Variants in OLFML2B observed in about 807,000 individuals in gnomAD.
OLFML2B encodes the protein olfactomedin-like protein 2B.
A neutral mutation model predicts 74.9 loss-of-function variants in OLFML2B; 57 were observed. The observed-to-expected ratio is 0.76, with a 90% CI of 0.61 to 0.95. The LOEUF is 0.95. Among genes scored for constraint, OLFML2B ranks in the 40% least tolerant of loss-of-function variants. OLFML2B has a pLI of 0.00. For missense variants in OLFML2B, 986 were observed against 970.6 expected (o/e 1.02, Z -0.21); for synonymous variants, 388 against 405.8 (o/e 0.96, Z 0.53).
In OLFML2B at chr1:162,011,392, C is replaced by T. The variant is rs764603905; in HGVS notation, c.547-4919G>A. On this transcript the variant is annotated intron_variant, in intron 3 of 7. Coordinates refer to ENST00000294794, the MANE Select transcript of OLFML2B (RefSeq NM_015441.3). ...GGGCTCGTAGTTCCCATCAGCTCAC[C>T]GTGCTCAACCTTTGCACCCTCCAGG... Among the ~76,000 whole-genome samples the T allele has an allele frequency of 5.7e-4, 86 of 152,202 alleles. 2 individuals are homozygous for T. Among genetic ancestry groups the T allele is most frequent in the Non-Finnish European group, 1.6e-4 (11 of 68,026 alleles).
rs1475388120 is a variant in OLFML2B at position 162,023,359 on chromosome 1, G to C, written c.72C>G (p.Val24=). 2 of 1,606,880 alleles carry C rather than the reference G, an allele frequency of 1.2e-6. No individual in the cohort carries two copies. The highest frequency in any genetic ancestry group is 1.7e-5 in the Admixed American group (1 of 59,452). Residue 24 remains valine, a synonymous_variant, in exon 1 of 8, where the codon GTC becomes GTG. Transcript: ENST00000294794. ...CTGGGGGCTCGCTTGTCCCTGTGAGGACAATGCTGGACACCCAGGCCGGAA... is the reference window on the plus strand; with the variant it reads ...CTGGGGGCTCGCTTGTCCCTGTGAGCACAATGCTGGACACCCAGGCCGGAA... The part of the protein sequence containing the change: ...IVVPAWVSSI[V]LTGTSEPPDA...
intron 4 of OLFML2B, 34 bp downstream of exon 4, chr1:162,006,263 T>C: frequency 6.6e-7 from 1 of 1,514,216 alleles, no homozygotes; most frequent in South Asian, 1.3e-5. Context: ...TTCCAGGGCT[T>C]GTGATCAGAG....
chr1:162,005,909 A>T (rs965717892), intron 4 of OLFML2B, among the ~76,000 whole-genome samples: 36 of 120,868 alleles, frequency 3.0e-4, no homozygotes, highest in African/African-American at 1.5e-3. Flanking sequence ...TATCAAAAAA[A>T]AAAAAAAAAA....
chr1:161,992,246 C>A (rs1236729829), intron 6 of OLFML2B, among the ~76,000 whole-genome samples: 5 of 152,240 alleles, frequency 3.3e-5, no homozygotes, highest in African/African-American at 7.2e-5. Flanking sequence ...CTTTTTTCTG[C>A]AGCTTCTTCA....
intron 3 of OLFML2B, among the ~76,000 whole-genome samples, chr1:162,013,020 G>A (rs990529978): frequency 2.6e-5 from 4 of 152,142 alleles, no homozygotes; most frequent in Non-Finnish European, 5.9e-5. Flanking sequence ...TTTAGGCCTG[G>A]CAGCCTACAA....
Position 162,013,891 on chromosome 1 carries a change from AACACACACACACACACAC to A in OLFML2B, c.546+3491_546+3508del, listed in dbSNP as rs59665350. 5.5e-3 allele frequency among the ~76,000 whole-genome samples: 794 copies of A among 143,248 alleles called. 10 individuals carry two copies. The highest frequency in any genetic ancestry group is 0.018 in the African/African-American group (706 of 38,684). The allele number at this position is 143,248 out of a possible 152,430, so 94.0% of individuals were successfully genotyped here. ...ATATAAAGTTGAGTGAAAAAAGCCC[AACACACACACACACACAC>A]ACACACACACACACACACACACACA... On this transcript the variant is annotated intron_variant, in intron 3 of 7. Transcript: ENST00000294794.
intron 1 of OLFML2B, 93 bp from the exon 2 acceptor site, chr1:162,020,275 G>A (rs1205029864): frequency 5.5e-6 from 8 of 1,447,384 alleles, no homozygotes; most frequent in African/African-American, 1.4e-5. Context: ...CAAATGTCCT[G>A]CACTAGTCAG....
In OLFML2B at chr1:162,001,971, T is replaced by C. The variant is rs1235431005; in HGVS notation, c.724-1633A>G. ...GTGCCCTGTGACAGCTCTGATCATG[T>C]AGATGGACCACTCTGTCCTCCACAG... is the stretch of plus-strand genomic sequence containing the variant. On this transcript the variant is annotated intron_variant, in intron 4 of 7. Coordinates refer to ENST00000294794, the MANE Select transcript of OLFML2B (RefSeq NM_015441.3). Among the ~76,000 whole-genome samples the C allele has an allele frequency of 2.6e-5, 4 of 152,208 alleles. No individual in the cohort carries two copies. The East Asian group carries it at 7.7e-4, about 29-fold the overall frequency.
In OLFML2B at chr1:161,983,993, G is replaced by T; in HGVS notation, c.1935C>A (p.Val645=). The T allele has an allele frequency of 6.2e-7, 1 of 1,614,190 alleles. No individual in the cohort carries two copies. Among genetic ancestry groups the T allele is most frequent in the Non-Finnish European group, 8.5e-7 (1 of 1,180,042 alleles). ...ALDDEGFSQE[V]IVLSKLNAAD... is the part of the protein sequence containing the mutation. ...CGGCATTGAGCTTGCTCAGGACAAT[G>T]ACCTCCTGGCTGAAGCCCTCATCGT... Residue 645 remains valine, a synonymous_variant, in exon 8 of 8, where the codon GTC becomes GTA. Transcript: ENST00000294794.
chr1:162,020,134 A>T lies in OLFML2B; in HGVS notation c.223T>A (p.Cys75Ser), dbSNP rs1690659005. 5.0e-6 allele frequency: 8 copies of T among 1,614,098 alleles called. No homozygotes were observed. The highest frequency in any genetic ancestry group is 1.3e-5 in the African/African-American group (1 of 74,930). ...GGTCTCACCACACACTTGCACTGAC[A>T]GTCCGAGCCCTCAGACATAGCCTTG... The part of the protein sequence containing the change: ...KVKAMSEGSD[C>S]QCKCVVRPLG... Residue 75 changes from cysteine to serine, a missense_variant, in exon 2 of 8, where the codon TGT becomes AGT. Coordinates refer to ENST00000294794, the MANE Select transcript of OLFML2B (RefSeq NM_015441.3).
In OLFML2B at chr1:161,984,835, T is replaced by C; in HGVS notation, c.1620A>G (p.Val540=). ...TGAAGTTCTCCAGGTTCCGGAACTC[T>C]ACCAGGGTGTTGCCGTAGTAATAGT... ...VTNYYYGNTL[V]EFRNLENFKQ... Residue 540 remains valine, a synonymous_variant, in exon 7 of 8, where the codon GTA becomes GTG. Coordinates refer to ENST00000294794, the MANE Select transcript of OLFML2B (RefSeq NM_015441.3). 1.2e-6 allele frequency: 2 copies of C among 1,613,774 alleles called. No homozygotes were observed. The highest frequency in any genetic ancestry group is 1.7e-5 in the Admixed American group (1 of 59,976).
At position 161,983,930 on chromosome 1, in the gene OLFML2B, C is replaced by T. The variant is rs1689503520; in HGVS notation, c.1998G>A (p.Thr666=). ...LSTQKETTWR[T]GLRRNFYGNC... ...TGCCGTAGAAATTCCTCCGGAGCCC[C>T]GTGCGCCATGTGGTCTCCTTCTGTG... The change falls in exon 8 of 8, where the codon ACG becomes ACA. Residue 666 remains threonine (T), a synonymous_variant. Transcript: ENST00000294794. 3 of 1,614,226 alleles carry T rather than the reference C, an allele frequency of 1.9e-6. No homozygotes were observed. Among genetic ancestry groups the T allele is most frequent in the Non-Finnish European group, 2.5e-6 (3 of 1,180,044 alleles).
In OLFML2B at chr1:162,006,439, T is replaced by C; in HGVS notation, c.581A>G (p.Gln194Arg). 6.2e-7 allele frequency: 1 copy of C among 1,602,708 alleles called. No individual in the cohort carries two copies. The highest frequency in any genetic ancestry group is 8.5e-7 in the Non-Finnish European group (1 of 1,177,150). The change falls in exon 4 of 8, where the codon CAA becomes CGA. Residue 194 changes from glutamine to arginine, a missense_variant. Transcript: ENST00000294794. ...AATTTCTTCCATGTCCTCTTTGATT[T>C]GTTCATTTTCCTTGGTGAGGTTTTT... The part of the protein sequence containing the change: ...VSKNLTKENE[Q>R]IKEDMEEIRT...
chr1:161,997,356 T>C (rs535886954), intron 6 of OLFML2B, among the ~76,000 whole-genome samples: 7 of 152,162 alleles, frequency 4.6e-5, no homozygotes, highest in Non-Finnish European at 7.3e-5. Context: ...TGGGTGGGGC[T>C]CATGATTTTG....
chr1:162,017,551 G>T, intron 2 of OLFML2B, 44 bp from the exon 3 acceptor site: 1 of 1,429,994 alleles, frequency 7.0e-7, no homozygotes, highest in South Asian at 1.2e-5. Flanking sequence ...GGGGCACACA[G>T]ACACAGGGCA....
intron 1 of OLFML2B, among the ~76,000 whole-genome samples, chr1:162,022,831 G>A (rs530077705): frequency 2.7e-4 from 41 of 152,132 alleles, no homozygotes; most frequent in South Asian, 1.9e-3. Context: ...CCATGCTCCC[G>A]CCTGGTGTCC....
chr1:162,006,291 C>G lies in OLFML2B; in HGVS notation c.723+6G>C. 1 of 1,569,172 alleles carries G rather than the reference C, an allele frequency of 6.4e-7. No homozygotes were observed. Among genetic ancestry groups the G allele is most frequent in the Non-Finnish European group, 8.6e-7 (1 of 1,161,668 alleles). ...GATCAGAGGCCCTTGGAGGCTGGGG[C>G]TATACCTCTGGGTGGGCGTAGGCTG... On this transcript the variant is annotated splice_donor_region_variant and intron_variant, in intron 4 of 7. Transcript: ENST00000294794.
intron 3 of OLFML2B, among the ~76,000 whole-genome samples, chr1:162,008,142 T>G (rs1465502710): frequency 3.3e-5 from 5 of 152,188 alleles, no homozygotes; most frequent in Non-Finnish European, 5.9e-5. Flanking sequence ...TCAGGCACAT[T>G]ACTGAAACAC....
chr1:162,021,390 C>T (rs1227599923), intron 1 of OLFML2B, among the ~76,000 whole-genome samples: 1 of 152,204 alleles, frequency 6.6e-6, no homozygotes, highest in Non-Finnish European at 1.5e-5. Context: ...CTTTCTGGAG[C>T]CCCAACTCTG....
Sources: allele counts gnomAD v4.1 joint callset (sites outside exome capture counted in the v4.1 genomes callset), GRCh38; gene constraint gnomAD v4.1.1; transcripts MANE v1.5; gene names NCBI Gene and HGNC (gene_info 2026-07-23, HGNC 2026-07-21).